Variants in LYPLAL1 observed in about 807,000 individuals in gnomAD.
The protein encoded by LYPLAL1 is lysophospholipase-like protein 1.
Under a neutral mutation model 19.7 loss-of-function variants are expected in LYPLAL1, and 23 were observed. The observed-to-expected ratio is 1.17, with a 90% CI of 0.84 to 1.65. The LOEUF (loss-of-function observed/expected upper bound fraction) is 1.65, where lower values mean the gene tolerates loss of function less well. Among genes scored for constraint, LYPLAL1 ranks in the 40% most tolerant of loss-of-function variants. The pLI is 0.00. For synonymous variants in LYPLAL1, 119 were observed against 96.3 expected, an observed-to-expected ratio of 1.24 and a Z score of -1.38; for missense variants, 355 against 279.4, an observed-to-expected ratio of 1.27 and a Z score of -1.93.
At chr1:219,393,153 G>A in the LYPLAL1 span, among the ~76,000 whole-genome samples, 19 of 152,258 alleles carry the variant, frequency 1.2e-4, no homozygotes, top group African/African-American at 2.9e-4. Flanking sequence ...ATCTTATGGC[G>A]GGATTATGTC....
the LYPLAL1 span, among the ~76,000 whole-genome samples, chr1:219,392,136 C>T: frequency 6.6e-6 from 1 of 152,100 alleles, no homozygotes; most frequent in African/African-American, 2.4e-5. Context: ...CAGGGAGCCC[C>T]AAGAGTCGTG....
At chr1:219,395,953 A>G in the LYPLAL1 span, among the ~76,000 whole-genome samples, 13 of 152,170 alleles carry the variant, frequency 8.5e-5, no homozygotes, top group Non-Finnish European at 1.9e-4. Context: ...AATACAAAAA[A>G]TTAGCCGGGC....
At chr1:219,205,620 G>T (rs1658514995) in intron 3 of LYPLAL1, among the ~76,000 whole-genome samples, 1 of 152,018 alleles carries the variant, frequency 6.6e-6, no homozygotes, top group African/African-American at 2.4e-5. Context: ...TGTACAATGG[G>T]TGTATATTAA....
At position 219,173,899 on chromosome 1, in the gene LYPLAL1, T is replaced by A. The variant is rs1213043394; in HGVS notation, c.9T>A (p.Ala3=). 7 of 1,612,736 alleles carry A rather than the reference T, an allele frequency of 4.3e-6. No individual in the cohort carries two copies. Among genetic ancestry groups the A allele is most frequent in the Non-Finnish European group, 5.9e-6 (7 of 1,179,886 alleles). The stretch of plus-strand genomic sequence containing the variant: ...TGGCAGTGGCATCAGCGATGGCGGC[T>A]GCGTCGGGGTCGGTTCTGCAGCGCT... MA[A]ASGSVLQRCI... The change falls in exon 1 of 5, where the codon GCT becomes GCA. Residue 3 remains alanine, a synonymous_variant. Coordinates refer to ENST00000366928, the MANE Select transcript of LYPLAL1 (RefSeq NM_138794.5).
chr1:219,394,848 AT>A, the LYPLAL1 span, among the ~76,000 whole-genome samples: 1 of 152,218 alleles, frequency 6.6e-6, no homozygotes, highest in African/African-American at 2.4e-5. Context: ...TGTTCTAATC[AT>A]TTAGCTTCCA....
the LYPLAL1 span, among the ~76,000 whole-genome samples, chr1:219,314,163 A>G: frequency 1.3e-5 from 2 of 152,196 alleles, no homozygotes; most frequent in Non-Finnish European, 2.9e-5. Flanking sequence ...TGACGTCATT[A>G]TTTTTATGAC....
chr1:219,439,996 CATAT>C, the LYPLAL1 span, among the ~76,000 whole-genome samples: 8 of 47,160 alleles, frequency 1.7e-4, no homozygotes, highest in African/African-American at 4.3e-4. Flanking sequence ...TATATACACA[CATAT>C]ATATATATAT....
At chr1:219,217,747 A>G (rs1348352211), downstream of LYPLAL1, among the ~76,000 whole-genome samples, 2 of 152,126 alleles carry the variant, frequency 1.3e-5, no homozygotes, top group African/African-American at 2.4e-5. Context: ...AAACCACTCA[A>G]CCATTCTCTT....
chr1:219,182,058 T>C (rs1336966841), intron 2 of LYPLAL1, among the ~76,000 whole-genome samples: 4 of 152,146 alleles, frequency 2.6e-5, no homozygotes, highest in African/African-American at 9.7e-5. Flanking sequence ...AAAAGTGTAT[T>C]TTGTTGTGGT....
At chr1:219,297,083 G>A in the LYPLAL1 span, among the ~76,000 whole-genome samples, 1 of 152,168 alleles carries the variant, frequency 6.6e-6, no homozygotes, top group East Asian at 1.9e-4. Flanking sequence ...ATTCTTTATA[G>A]TCCAAACTGA....
intron 3 of LYPLAL1, among the ~76,000 whole-genome samples, chr1:219,194,080 G>GA (rs1199357338): frequency 1.3e-5 from 2 of 151,904 alleles, no homozygotes; most frequent in Non-Finnish European, 2.9e-5. Context: ...TGAGTCATGA[G>GA]AGACAACATG....
chr1:219,275,571 A>G, the LYPLAL1 span, among the ~76,000 whole-genome samples: 8 of 152,204 alleles, frequency 5.3e-5, no homozygotes, highest in South Asian at 1.7e-3. Flanking sequence ...AATTTCAGAG[A>G]ACATTTTCTT....
the LYPLAL1 span, among the ~76,000 whole-genome samples, chr1:219,276,088 CTTCCCA>C: frequency 6.6e-6 from 1 of 152,168 alleles, no homozygotes; most frequent in Non-Finnish European, 1.5e-5. Flanking sequence ...GCTCCCTCTG[CTTCCCA>C]GCCAGCCTTT....
chr1:219,298,275 A>G, the LYPLAL1 span, among the ~76,000 whole-genome samples: 14 of 152,090 alleles, frequency 9.2e-5, no homozygotes, highest in African/African-American at 1.7e-4. Context: ...CAGCCACTAC[A>G]CTCCAGCCTC....
chr1:219,198,315 G>A (rs1218190012), intron 3 of LYPLAL1, among the ~76,000 whole-genome samples: 6 of 151,888 alleles, frequency 4.0e-5, no homozygotes, highest in Non-Finnish European at 7.4e-5. Flanking sequence ...AACATTTTAA[G>A]TAGAATAGCT....
chr1:219,389,612 C>T, the LYPLAL1 span, among the ~76,000 whole-genome samples: 3 of 152,282 alleles, frequency 2.0e-5, no homozygotes, highest in South Asian at 6.2e-4. Context: ...AACCCTTATG[C>T]TAAAGCAGAA....
the LYPLAL1 span, among the ~76,000 whole-genome samples, chr1:219,311,943 A>C: frequency 6.6e-5 from 10 of 152,310 alleles, no homozygotes; most frequent in African/African-American, 1.9e-4. Flanking sequence ...ATACATTAAA[A>C]ATATATATTG....
At chr1:219,279,829 C>G in the LYPLAL1 span, among the ~76,000 whole-genome samples, 1 of 152,006 alleles carries the variant, frequency 6.6e-6, no homozygotes, top group African/African-American at 2.4e-5. Context: ...TGAAAACTCT[C>G]TGAGTCATAT....
the LYPLAL1 span, among the ~76,000 whole-genome samples, chr1:219,300,751 G>A: frequency 2.6e-5 from 4 of 151,626 alleles, no homozygotes; most frequent in Non-Finnish European, 4.4e-5. Context: ...TAGCCAAGAT[G>A]GTCTCAATCT....
Sources: allele counts gnomAD v4.1 joint callset (sites outside exome capture counted in the v4.1 genomes callset), GRCh38; gene constraint gnomAD v4.1.1; transcripts MANE v1.5; gene names NCBI Gene and HGNC (gene_info 2026-07-23, HGNC 2026-07-21).